The following ROCK1 variants were observed in gnomAD, a reference collection of about 807,000 sequenced individuals.
The protein encoded by ROCK1 is Rho associated coiled-coil containing protein kinase 1.
Under a neutral mutation model 196.8 loss-of-function variants are expected in ROCK1, and 36 were observed. That is an observed-to-expected ratio of 0.18 (90% CI 0.14 to 0.24). The LOEUF is 0.24. Ranked by LOEUF, ROCK1 falls within the 10% of genes least tolerant of loss-of-function variation. The pLI is 1.00. For synonymous variants in ROCK1, 443 were observed against 515.9 expected (o/e 0.86, Z 1.91); for missense variants, 920 against 1,562.0 (o/e 0.59, Z 6.93).
At position 21,044,151 on chromosome 18, in the gene ROCK1, G is replaced by C. The variant is rs1348324643; in HGVS notation, c.626C>G (p.Ser209Cys). ...AAAATCTGCTAACTTCAAATGTCCAGATTTATCCAGCAGCATGTTATCAGG... is the reference window on the plus strand; with the variant it reads ...AAAATCTGCTAACTTCAAATGTCCACATTTATCCAGCAGCATGTTATCAGG... ...VKPDNMLLDK[S>C]GHLKLADFGT... Residue 209 changes from serine to cysteine, a missense_variant, in exon 6 of 33, where the codon TCT (serine) becomes TGT (cysteine). Around this residue, in one of 6 missense-constraint regions of ROCK1, gnomAD observed 234 missense variants for 460.7 expected, o/e 0.51. Coordinates refer to ENST00000399799, the MANE Select transcript of ROCK1 (RefSeq NM_005406.3). 1 of 1,611,304 alleles carries C rather than the reference G, an allele frequency of 6.2e-7. No homozygotes were observed. The highest frequency in any genetic ancestry group is 1.7e-5 in the Admixed American group (1 of 59,808).
chr18:21,052,503 A>G (rs2143522001), intron 2 of ROCK1, among the ~76,000 whole-genome samples: 1 of 152,260 alleles, frequency 6.6e-6, no homozygotes, highest in East Asian at 1.9e-4. Flanking sequence ...GACAGAAAAC[A>G]ATGCATGCAC....
intron 32 of ROCK1, among the ~76,000 whole-genome samples, chr18:20,952,647 C>T (rs1228935583): frequency 4.0e-5 from 6 of 150,524 alleles, no homozygotes; most frequent in Admixed American, 3.3e-4. Flanking sequence ...GCGTGGCATG[C>T]GTCTGTAATC....
chr18:21,000,940 C>T (rs1391631422), intron 16 of ROCK1, among the ~76,000 whole-genome samples: 1 of 152,142 alleles, frequency 6.6e-6, no homozygotes, highest in East Asian at 1.9e-4. Flanking sequence ...AACAGGTACT[C>T]CAACAAATAC....
At chr18:21,028,569 C>CA (rs2035980899) in intron 10 of ROCK1, among the ~76,000 whole-genome samples, 1 of 151,752 alleles carries the variant, frequency 6.6e-6, no homozygotes, top group South Asian at 2.1e-4. Context: ...TATCATTTAG[C>CA]AAAAAAATTT....
intron 8 of ROCK1, among the ~76,000 whole-genome samples, chr18:21,041,447 T>TA (rs1440755051): frequency 3.3e-5 from 5 of 152,078 alleles, no homozygotes; most frequent in Admixed American, 6.5e-5. Flanking sequence ...ATCTTACTAA[T>TA]ACATCTGGTT....
chr18:21,007,362 T>C (rs1170897653), intron 14 of ROCK1, among the ~76,000 whole-genome samples: 2 of 152,158 alleles, frequency 1.3e-5, no homozygotes, highest in East Asian at 3.8e-4. Context: ...TTTAAGGAGA[T>C]GATTTATTAT....
chr18:20,999,443 CA>C (rs1211945004), intron 16 of ROCK1, among the ~76,000 whole-genome samples: 1 of 151,392 alleles, frequency 6.6e-6, no homozygotes, highest in Non-Finnish European at 1.5e-5. Flanking sequence ...TCTTACACAC[CA>C]AAAAACACTG....
At chr18:20,990,021 T>C (rs1328303645) in intron 18 of ROCK1, among the ~76,000 whole-genome samples, 1 of 151,686 alleles carries the variant, frequency 6.6e-6, no homozygotes, top group Non-Finnish European at 1.5e-5. Flanking sequence ...GGTGGAAGGA[T>C]CCCTTGAGCC....
chr18:20,952,787 A>C (rs557934896), intron 32 of ROCK1, among the ~76,000 whole-genome samples: 18 of 152,020 alleles, frequency 1.2e-4, no homozygotes, highest in African/African-American at 4.1e-4. Context: ...CAAAAAACAA[A>C]AAAAAAAAGG....
In ROCK1 at chr18:21,028,954, T is replaced by A. The variant is rs762135076; in HGVS notation, c.1052-19A>T. On this transcript the variant is annotated intron_variant, in intron 9 of 32. Transcript: ENST00000399799. ...GCTACAGCTAAAGACAAAACAAAATTAGTTGTTCACTTCAAACTTAAAATA... is the reference window on the plus strand; with the variant it reads ...GCTACAGCTAAAGACAAAACAAAATAAGTTGTTCACTTCAAACTTAAAATA... 1.9e-6 allele frequency: 3 copies of A among 1,599,228 alleles called. No individual in the cohort carries two copies. Among genetic ancestry groups the A allele is most frequent in the South Asian group, 2.3e-5 (2 of 87,978 alleles).
intron 12 of ROCK1, among the ~76,000 whole-genome samples, chr18:21,019,095 T>C (rs1190344763): frequency 2.6e-5 from 4 of 152,234 alleles, no homozygotes; most frequent in Non-Finnish European, 5.9e-5. Context: ...TAGTATATTT[T>C]AATCTTCAAC....
At chr18:21,064,629 T>TA (rs2036318814) in intron 2 of ROCK1, among the ~76,000 whole-genome samples, 1 of 152,234 alleles carries the variant, frequency 6.6e-6, no homozygotes, top group Admixed American at 6.5e-5. Context: ...GAATGACTTG[T>TA]AAAGGGCTTA....
intron 11 of ROCK1, among the ~76,000 whole-genome samples, chr18:21,023,295 T>G (rs547626407): frequency 1.3e-5 from 2 of 152,180 alleles, no homozygotes; most frequent in African/African-American, 4.8e-5. Flanking sequence ...TTTAAATATT[T>G]TGAACATGTA....
intron 10 of ROCK1, among the ~76,000 whole-genome samples, chr18:21,025,772 T>A (rs1392693030): frequency 6.6e-6 from 1 of 152,184 alleles, no homozygotes; most frequent in Non-Finnish European, 1.5e-5. Context: ...TCTTTCTTTA[T>A]GAACAGCAAC....
At chr18:21,077,857 G>C (rs12957846) in intron 1 of ROCK1, among the ~76,000 whole-genome samples, 121,565 of 152,170 alleles carry the variant, frequency 0.8, 52,340 homozygotes, top group Non-Finnish European at 0.96. Context: ...GGCTTTTTTG[G>C]TATGTATTGG....
intron 20 of ROCK1, among the ~76,000 whole-genome samples, chr18:20,983,928 G>T (rs1375358508): frequency 6.6e-6 from 1 of 152,132 alleles, no homozygotes; most frequent in Non-Finnish European, 1.5e-5. Context: ...GATCTTGCTT[G>T]TTCTCCATTT....
intron 1 of ROCK1, among the ~76,000 whole-genome samples, chr18:21,086,883 A>C (rs562772762): frequency 6.6e-6 from 1 of 152,210 alleles, no homozygotes; most frequent in Non-Finnish European, 1.5e-5. Context: ...GAAAGAAATA[A>C]ATCTGGTATA....
intron 18 of ROCK1, among the ~76,000 whole-genome samples, chr18:20,988,858 C>T (rs1202220774): frequency 3.3e-5 from 5 of 151,990 alleles, no homozygotes; most frequent in African/African-American, 9.7e-5. Flanking sequence ...ATGTAATCTC[C>T]GGGCTTCCTG....
At chr18:21,084,462 C>T (rs978627712) in intron 1 of ROCK1, among the ~76,000 whole-genome samples, 7 of 152,070 alleles carry the variant, frequency 4.6e-5, no homozygotes, top group East Asian at 1.9e-4. Flanking sequence ...TGAATAAAAA[C>T]GTCTCCAAAG....
Sources: gnomAD v4.1 joint callset for allele counts (sites outside exome capture counted in the v4.1 genomes callset) on GRCh38, gnomAD v4.1.1 for gene constraint, gnomAD v4.1.1 regional missense constraint, MANE v1.5 for transcripts, NCBI Gene and HGNC (gene_info 2026-07-23, HGNC 2026-07-21) for gene names.